EN1: variants seen among roughly 807,000 people sequenced by gnomAD.
The protein encoded by EN1 is homeobox protein engrailed-1.
In EN1, 8 loss-of-function variants were observed where a neutral mutation model predicts 22.9. The ratio of observed to expected loss-of-function variants is 0.35; its 90% CI spans 0.20 to 0.63. The LOEUF is 0.63. Ranked by LOEUF, EN1 falls within the 20% of genes least tolerant of loss-of-function variation. The pLI, the probability that EN1 is intolerant of heterozygous loss-of-function variation, is 0.73. For synonymous variants in EN1, 287 were observed against 262.5 expected, an observed-to-expected ratio of 1.09 and a Z score of -0.90; for missense variants, 521 against 572.1, an observed-to-expected ratio of 0.91 and a Z score of 0.91.
chr2:118,847,125 C>T lies in EN1; in HGVS notation c.43G>A (p.Ala15Thr). 5 of 1,335,372 alleles carry T rather than the reference C, an allele frequency of 3.7e-6. No individual in the cohort carries two copies. The highest frequency in any genetic ancestry group is 2.6e-4 in the Middle Eastern group (1 of 3,830). 82.7% of individuals were successfully genotyped at this position (1,335,372 alleles called of 1,614,324 possible). Reference protein sequence around the residue: ...QPEPKSQRDSALGAAAAATPG... With the variant: ...QPEPKSQRDSTLGAAAAATPG... ...GTCGCCGCCGCCGCCGCGCCGAGGG[C>T]CGAGTCGCGCTGACTTTTAGGTTCC... The change falls in exon 1 of 2, where the codon GCC becomes ACC. Residue 15 changes from alanine (A) to threonine (T), a missense_variant. Around this residue, in one of 3 missense-constraint regions of EN1, gnomAD observed 436 missense variants for 410.1 expected, o/e 1.06. Coordinates refer to ENST00000295206, the MANE Select transcript of EN1 (RefSeq NM_001426.4).
intron 1 of EN1, among the ~76,000 whole-genome samples, chr2:118,844,794 C>T (rs993188434): frequency 1.3e-5 from 2 of 152,362 alleles, no homozygotes; most frequent in Admixed American, 1.3e-4. Context: ...CCTCCCCCAA[C>T]TGCCCAAGCA....
chr2:118,846,461 C>T lies in EN1; in HGVS notation c.707G>A (p.Gly236Glu). Residue 236 changes from glycine to glutamate, a missense_variant, in exon 1 of 2, where the codon GGA becomes GAA. Gly to Glu is a moderately conservative substitution (Grantham distance 98). Coordinates refer to ENST00000295206, the MANE Select transcript of EN1 (RefSeq NM_001426.4). The surrounding 1 kb of genome is among the most constrained non-coding windows in gnomAD (Gnocchi z 5.0). ...GGSGGGAGSP[G>E]AQGTKYPEHG... is the part of the protein sequence containing the mutation. The stretch of plus-strand genomic sequence containing the variant: ...CTCCGGGTATTTGGTGCCCTGCGCT[C>T]CGGGGCTCCCCGCGCCGCCTCCACT... The T allele has an allele frequency of 1.9e-6, 3 of 1,604,654 alleles. No homozygotes were observed.
chr2:118,843,544 A>G (rs544719738), intron 1 of EN1, among the ~76,000 whole-genome samples: 1 of 152,304 alleles, frequency 6.6e-6, no homozygotes, highest in East Asian at 1.9e-4. Flanking sequence ...CCACACCCCA[A>G]TTCTCACAGG....
chr2:118,847,127 G>A lies in EN1; in HGVS notation c.41C>T (p.Ser14Leu), dbSNP rs1443690023. 2 of 1,321,582 alleles carry A rather than the reference G, an allele frequency of 1.5e-6. No individual in the cohort carries two copies. Among genetic ancestry groups the A allele is most frequent in the East Asian group, 3.2e-5 (1 of 31,008 alleles). The allele number at this position is 1,321,582 out of a possible 1,614,324, so 81.9% of individuals were successfully genotyped here. ...QQPEPKSQRDSALGAAAAATP... is the reference protein window; with the variant it reads ...QQPEPKSQRDLALGAAAAATP... ...CGCCGCCGCCGCCGCGCCGAGGGCC[G>A]AGTCGCGCTGACTTTTAGGTTCCGG... The change falls in exon 1 of 2, where the codon TCG becomes TTG. Residue 14 changes from serine (S) to leucine (L), a missense_variant. This residue lies in a region of EN1 where 436 missense variants were observed against 410.1 expected (regional missense o/e 1.06). Coordinates refer to ENST00000295206, the MANE Select transcript of EN1 (RefSeq NM_001426.4).
At chr2:118,845,611 T>G (rs1678257423) in intron 1 of EN1, among the ~76,000 whole-genome samples, 1 of 152,214 alleles carries the variant, frequency 6.6e-6, no homozygotes, top group Admixed American at 6.5e-5. Context: ...GAGCCTGACC[T>G]GTTTTCTCTC....
chr2:118,847,007 G>A lies in EN1; in HGVS notation c.161C>T (p.Pro54Leu), dbSNP rs1678288545. The change falls in exon 1 of 2, where the codon CCT becomes CTT. Residue 54 changes from proline to leucine, a missense_variant. By Grantham distance (98) the Pro-to-Leu change is moderately conservative. Coordinates refer to ENST00000295206, the MANE Select transcript of EN1 (RefSeq NM_001426.4). Reference protein sequence around the residue: ...DGDSVPVSPQPAPPSPPAAPC... With the variant: ...DGDSVPVSPQLAPPSPPAAPC... ...CGCCGCGGGCGGCGAGGGGGGCGCA[G>A]GCTGCGGGGACACCGGCACGCTGTC... 8 of 1,374,528 alleles carry A rather than the reference G, an allele frequency of 5.8e-6. No homozygotes were observed. The highest frequency in any genetic ancestry group is 7.5e-6 in the Non-Finnish European group (8 of 1,072,962). 85.1% of individuals were successfully genotyped at this position (1,374,528 alleles called of 1,614,324 possible).
Position 118,843,125 on chromosome 2 carries a change from T to G in EN1, c.992A>C (p.Gln331Pro). 6.2e-7 allele frequency: 1 copy of G among 1,613,994 alleles called. No individual in the cohort carries two copies. The highest frequency in any genetic ancestry group is 8.5e-7 in the Non-Finnish European group (1 of 1,179,946). Residue 331 changes from glutamine (Q) to proline (P), a missense_variant, in exon 2 of 2, where the codon CAG becomes CCG. Gln to Pro is a moderately conservative substitution (Grantham distance 76, BLOSUM62 -1). Around this residue, in one of 3 missense-constraint regions of EN1, gnomAD observed 50 missense variants for 121.8 expected, o/e 0.41. Transcript: ENST00000295206. Reference protein sequence around the residue: ...EFQANRYITEQRRQTLAQELS... With the variant: ...EFQANRYITEPRRQTLAQELS... The stretch of plus-strand genomic sequence containing the variant: ...TTCCTGGGCCAGGGTCTGCCGCCGC[T>G]GCTCCGTGATGTAGCGGTTTGCCTG...
chr2:118,846,593 G>A lies in EN1; in HGVS notation c.575C>T (p.Ala192Val), dbSNP rs1185697051. ...GSQPAAAGAG[A>V]SKAGNPAAAA... ...CGCAGCCGGGTTCCCAGCTTTAGAC[G>A]CGCCCGCGCCGGCGGCGGCTGGCTG... The change falls in exon 1 of 2, where the codon GCG (alanine) becomes GTG (valine). Residue 192 changes from alanine to valine, a missense_variant. Around this residue, in one of 3 missense-constraint regions of EN1, gnomAD observed 436 missense variants for 410.1 expected, o/e 1.06. Transcript: ENST00000295206. This position sits in a 1 kb window ranked among gnomAD's most constrained non-coding sequence, Gnocchi z 5.0. The A allele has an allele frequency of 5.1e-6, 7 of 1,371,760 alleles. No homozygotes were observed. The highest frequency in any genetic ancestry group is 4.6e-5 in the African/African-American group (3 of 65,404). The allele number at this position is 1,371,760 out of a possible 1,614,324, so 85.0% of individuals were successfully genotyped here.
At chr2:118,845,736 C>T (rs1171569460) in intron 1 of EN1, among the ~76,000 whole-genome samples, 1 of 152,166 alleles carries the variant, frequency 6.6e-6, no homozygotes, top group African/African-American at 2.4e-5. Context: ...GCTACCCAGC[C>T]GGGGGAGAGG....
rs1209169748 is a variant in EN1, at chr2:118,846,430, G to A, written c.738C>T (p.Gly246=). The A allele has an allele frequency of 1.4e-5, 22 of 1,612,944 alleles. No individual in the cohort carries two copies. The highest frequency in any genetic ancestry group is 1.9e-5 in the Non-Finnish European group (22 of 1,179,730). ...AGCCCATAAGTAGGATAGCCGGGTT[G>A]CCGTGCTCCGGGTATTTGGTGCCCT... is the stretch of plus-strand genomic sequence containing the variant. ...GAQGTKYPEH[G]NPAILLMGSA... Residue 246 remains glycine, a synonymous_variant, in exon 1 of 2, where the codon GGC becomes GGT. Transcript: ENST00000295206. The surrounding 1 kb of genome is among the most constrained non-coding windows in gnomAD (Gnocchi z 5.0).
rs1289638765 is a variant in EN1 at position 118,842,776 on chromosome 2, T to A, written c.*162A>T. On this transcript the variant is annotated 3_prime_UTR_variant, in exon 2 of 2. Transcript: ENST00000295206. Reference sequence around the variant, plus strand: ...TCTCCCTTTTCAAAAATGCTGCGTTTCAACGTCATTGTCCATTCTGAGGCT... The same window carrying A: ...TCTCCCTTTTCAAAAATGCTGCGTTACAACGTCATTGTCCATTCTGAGGCT... 9.6e-6 allele frequency: 12 copies of A among 1,248,444 alleles called. No individual in the cohort carries two copies. The highest frequency in any genetic ancestry group is 5.4e-6 in the Non-Finnish European group (5 of 934,168). The allele number at this position is 1,248,444 out of a possible 1,614,324, so 77.3% of individuals were successfully genotyped here. A position where few individuals can be genotyped will look rare whatever the true frequency, so the allele number is the denominator to read the frequency against.
In EN1 at chr2:118,842,804, C is replaced by G. The variant is rs1678210772; in HGVS notation, c.*134G>C. 11 of 1,390,262 alleles carry G rather than the reference C, an allele frequency of 7.9e-6. No homozygotes were observed. The South Asian group carries it at 1.7e-4, about 21-fold the overall frequency. 86.1% of individuals were successfully genotyped at this position (1,390,262 alleles called of 1,614,324 possible). The stretch of plus-strand genomic sequence containing the variant: ...ACGTCATTGTCCATTCTGAGGCTCT[C>G]TTTCTGTCTCTCTCGCTCTTTTCCC... On this transcript the variant is annotated 3_prime_UTR_variant, in exon 2 of 2. Transcript: ENST00000295206.
rs927812547 is a variant in EN1, at chr2:118,847,012, C to A, written c.156G>T (p.Pro52=). ...GSDGDSVPVS[P]QPAPPSPPAA... is the part of the protein sequence containing the mutation. ...CGGGCGGCGAGGGGGGCGCAGGCTGCGGGGACACCGGCACGCTGTCTCCAT... is the reference window on the plus strand; with the variant it reads ...CGGGCGGCGAGGGGGGCGCAGGCTGAGGGGACACCGGCACGCTGTCTCCAT... Residue 52 remains proline (P), a synonymous_variant, in exon 1 of 2, where the codon CCG becomes CCT. Transcript: ENST00000295206. 1.2e-5 allele frequency: 17 copies of A among 1,382,498 alleles called. No individual in the cohort carries two copies. Among genetic ancestry groups the A allele is most frequent in the Middle Eastern group, 2.6e-4 (1 of 3,826 alleles). 85.6% of individuals were successfully genotyped at this position (1,382,498 alleles called of 1,614,324 possible). A position where few individuals can be genotyped will look rare whatever the true frequency, so the allele number is the denominator to read the frequency against.
rs1678277460 is a variant in EN1, at chr2:118,846,607, G to A, written c.561C>T (p.Ala187=). 7.1e-7 allele frequency: 1 copy of A among 1,404,316 alleles called. No homozygotes were observed. Among genetic ancestry groups the A allele is most frequent in the African/African-American group, 1.5e-5 (1 of 66,362 alleles). The allele number at this position is 1,404,316 out of a possible 1,614,324, so 87.0% of individuals were successfully genotyped here. Residue 187 remains alanine (A), a synonymous_variant, in exon 1 of 2, where the codon GCC becomes GCT. Transcript: ENST00000295206. This position sits in a 1 kb window ranked among gnomAD's most constrained non-coding sequence, Gnocchi z 5.0. Reference sequence around the variant, plus strand: ...CAGCTTTAGACGCGCCCGCGCCGGCGGCGGCTGGCTGGGAGCCGTCGGGTG... The same window carrying A: ...CAGCTTTAGACGCGCCCGCGCCGGCAGCGGCTGGCTGGGAGCCGTCGGGTG... ...CGPPDGSQPA[A]AGAGASKAGN... is the part of the protein sequence containing the mutation.
chr2:118,846,553 GGCCGCCGCC>G lies in EN1; in HGVS notation c.606_614del (p.Ala206_Ala208del), dbSNP rs769035512. 3.4e-6 allele frequency: 4 copies of G among 1,186,516 alleles called. No homozygotes were observed. Among genetic ancestry groups the G allele is most frequent in the South Asian group, 8.3e-5 (2 of 24,106 alleles). The allele number at this position is 1,186,516 out of a possible 1,614,324, so 73.5% of individuals were successfully genotyped here. A position where few individuals can be genotyped will look rare whatever the true frequency, so the allele number is the denominator to read the frequency against. On this transcript the variant is annotated inframe_deletion, in exon 1 of 2. Coordinates refer to ENST00000295206, the MANE Select transcript of EN1 (RefSeq NM_001426.4). This position sits in a 1 kb window ranked among gnomAD's most constrained non-coding sequence, Gnocchi z 5.0. The stretch of plus-strand genomic sequence containing the variant: ...CCGCCGCCGCCGCCACTGCCGCCGC[GGCCGCCGCC>G]GCCGCCGCAGCCGGGTTCCCAGCTT...
rs762832533 is a variant in EN1 at position 118,842,411 on chromosome 2, C to T, written c.*527G>A. 7 of 152,052 alleles carry T rather than the reference C, an allele frequency of 4.6e-5. No individual in the cohort carries two copies. The highest frequency in any genetic ancestry group is 7.3e-5 in the African/African-American group (3 of 41,236). 9.4% of individuals were successfully genotyped at this position (152,052 alleles called of 1,614,324 possible). A position where few individuals can be genotyped will look rare whatever the true frequency, so the allele number is the denominator to read the frequency against. ...CACACAAAGAAAAGTCCCAGAGAAACCAGGGCCGGCGATGCGGGTCGGGAG... is the reference window on the plus strand; with the variant it reads ...CACACAAAGAAAAGTCCCAGAGAAATCAGGGCCGGCGATGCGGGTCGGGAG... On this transcript the variant is annotated 3_prime_UTR_variant, in exon 2 of 2. Transcript: ENST00000295206.
At chr2:118,845,671 C>G (rs1678258204) in intron 1 of EN1, among the ~76,000 whole-genome samples, 2 of 152,218 alleles carry the variant, frequency 1.3e-5, no homozygotes, top group East Asian at 3.8e-4. Flanking sequence ...CCAGCACCCA[C>G]CTTTTTGGCA....
rs1291350299 is a variant in EN1, at chr2:118,846,832, C to T, written c.336G>A (p.Arg112=). 6.3e-7 allele frequency: 1 copy of T among 1,595,058 alleles called. No individual in the cohort carries two copies. Among genetic ancestry groups the T allele is most frequent in the Non-Finnish European group, 8.5e-7 (1 of 1,176,752 alleles). Residue 112 remains arginine, a synonymous_variant, in exon 1 of 2, where the codon AGG becomes AGA. Coordinates refer to ENST00000295206, the MANE Select transcript of EN1 (RefSeq NM_001426.4). This position sits in a 1 kb window ranked among gnomAD's most constrained non-coding sequence, Gnocchi z 5.0. ...GCTCCTTTTTGCAGCCGAAGTCCGG[C>T]CTCAGGATGTTGTCGATGAAAAAGT... ...TTNFFIDNIL[R]PDFGCKKEQP...
chr2:118,843,374 C>T (rs1198551182), intron 1 of EN1, 120 bp from the exon 2 acceptor site: 1 of 898,468 alleles, frequency 1.1e-6, no homozygotes, highest in Non-Finnish European at 1.6e-6. Flanking sequence ...GAGCCCCGCG[C>T]TTCCGGGGCG....
Sources: gnomAD v4.1 joint callset for allele counts (sites outside exome capture counted in the v4.1 genomes callset) on GRCh38, gnomAD v4.1.1 for gene constraint, gnomAD v4.1.1 regional missense constraint, Gnocchi (gnomAD v3.1) non-coding constraint, MANE v1.5 for transcripts, NCBI Gene and HGNC (gene_info 2026-07-23, HGNC 2026-07-21) for gene names.